Variants in SF3A2 observed in about 807,000 individuals in gnomAD.
SF3A2 encodes the protein splicing factor 3a subunit 2, also known as SAP 62.
Under a neutral mutation model 31.1 loss-of-function variants are expected in SF3A2, and 5 were observed. The observed-to-expected ratio is 0.16, with a 90% CI of 0.08 to 0.34. SF3A2 has a LOEUF of 0.34. Ranked by LOEUF, SF3A2 falls within the 10% of genes least tolerant of loss-of-function variation. SF3A2 has a pLI of 1.00. For synonymous variants in SF3A2, 365 were observed against 263.7 expected (o/e 1.38, Z -3.72); for missense variants, 577 against 643.9 (o/e 0.90, Z 1.13).
Position 2,247,909 on chromosome 19 carries a change from C to T in SF3A2, c.758C>T (p.Pro253Leu), listed in dbSNP as rs928053753. 19 of 1,576,146 alleles carry T rather than the reference C, an allele frequency of 1.2e-5. No individual in the cohort carries two copies. Among genetic ancestry groups the T allele is most frequent in the Admixed American group, 3.4e-5 (2 of 59,250 alleles). Residue 253 changes from proline (P) to leucine (L), a missense_variant, in exon 9 of 9, where the codon CCG (proline) becomes CTG (leucine). Coordinates refer to ENST00000221494, the MANE Select transcript of SF3A2 (RefSeq NM_007165.5). ...PRPPLPESLP[P>L]PPPGGLPLPP... ...CCACCGCTGCCTGAGTCTTTGCCAC[C>T]GCCCCCGCCAGGAGGCCTGCCTCTG...
Position 2,245,328 on chromosome 19 carries a change from C to T in SF3A2, c.246-118C>T, listed in dbSNP as rs1001614100. The stretch of plus-strand genomic sequence containing the variant: ...CCAGGGCCCCTCCCAGGCCCCTGGC[C>T]CTCCTCATCTCTCAGCTTGTAGTGA... On this transcript the variant is annotated intron_variant, in intron 4 of 8. Transcript: ENST00000221494. This position sits in a 1 kb window ranked among gnomAD's most constrained non-coding sequence, Gnocchi z 4.2. 5.6e-6 allele frequency: 4 copies of T among 713,336 alleles called. No homozygotes were observed. Among genetic ancestry groups the T allele is most frequent in the African/African-American group, 3.6e-5 (2 of 55,978 alleles). 44.2% of individuals were successfully genotyped at this position (713,336 alleles called of 1,614,324 possible).
At position 2,246,986 on chromosome 19, in the gene SF3A2, C is replaced by T. The variant is rs1196660174; in HGVS notation, c.510C>T (p.Leu170=). 2.5e-6 allele frequency: 4 copies of T among 1,606,832 alleles called. No individual in the cohort carries two copies. Among genetic ancestry groups the T allele is most frequent in the Non-Finnish European group, 1.7e-6 (2 of 1,178,918 alleles). ...CGGACCGGCGCTGGCAGTACCTGCTCATGGCCGCCGAGCCCTACGAGACCA... is the reference window on the plus strand; with the variant it reads ...CGGACCGGCGCTGGCAGTACCTGCTTATGGCCGCCGAGCCCTACGAGACCA... ...EPPDRRWQYL[L]MAAEPYETIA... is the part of the protein sequence containing the mutation. The change falls in exon 7 of 9, where the codon CTC becomes CTT. Residue 170 remains leucine, a synonymous_variant. Transcript: ENST00000221494. The surrounding 1 kb of genome is among the most constrained non-coding windows in gnomAD (Gnocchi z 5.5).
chr19:2,243,066 G>T (rs779733630), intron 1 of SF3A2, among the ~76,000 whole-genome samples: 3 of 152,084 alleles, frequency 2.0e-5, no homozygotes, highest in Non-Finnish European at 2.9e-5. Flanking sequence ...GCCTTCTCTG[G>T]GCTCCCTATT....
chr19:2,242,459 G>T lies in SF3A2; in HGVS notation c.-37-923G>T, dbSNP rs981889502. Among the ~76,000 whole-genome samples, 4 of 152,098 alleles carry T rather than the reference G, an allele frequency of 2.6e-5. No individual in the cohort carries two copies. The East Asian group carries it at 7.7e-4, about 29-fold the overall frequency. On this transcript the variant is annotated intron_variant, in intron 1 of 8. Transcript: ENST00000221494. ...CAGCCTCTCTGACTCTCAGCCTCCC[G>T]CCTCCTCTCATGAGGTCACCCAGGA...
chr19:2,236,979 G>A (rs1419546713), intron 1 of SF3A2, 78 bp downstream of exon 1: 1 of 152,182 alleles, frequency 6.6e-6, no homozygotes, highest in Non-Finnish European at 1.5e-5. Flanking sequence ...GTAGGAGAGA[G>A]GCGCTTGCGA....
intron 4 of SF3A2, 73 bp downstream of exon 4, chr19:2,244,852 G>A: frequency 7.0e-7 from 1 of 1,425,706 alleles, no homozygotes; most frequent in Non-Finnish European, 9.7e-7. Flanking sequence ...AGCCTCGCGG[G>A]CCACTGCTCC....
intron 7 of SF3A2, 147 bp downstream of exon 7, chr19:2,247,169 G>T: frequency 1.3e-6 from 1 of 791,886 alleles, no homozygotes; most frequent in Non-Finnish European, 2.0e-6. Flanking sequence ...CACAGGCCGG[G>T]CAGGGCACCT....
chr19:2,241,830 G>A (rs896739881), intron 1 of SF3A2, among the ~76,000 whole-genome samples: 23 of 152,142 alleles, frequency 1.5e-4, no homozygotes, highest in African/African-American at 4.6e-4. Context: ...GTGGTTTCTC[G>A]AAGTTTACGT....
At chr19:2,243,813 G>A in intron 2 of SF3A2, among the ~76,000 whole-genome samples, 1 of 152,220 alleles carries the variant, frequency 6.6e-6, no homozygotes, top group East Asian at 1.9e-4. Flanking sequence ...TGGGAGTGGG[G>A]AGAGCTGATG....
intron 4 of SF3A2, 42 bp downstream of exon 4, chr19:2,244,821 C>T: frequency 4.4e-6 from 7 of 1,590,568 alleles, no homozygotes; most frequent in Non-Finnish European, 6.0e-6. Flanking sequence ...GCTCCAGCAG[C>T]CGTTGGCTCA....
chr19:2,238,523 T>G (rs1036303809), intron 1 of SF3A2, among the ~76,000 whole-genome samples: 15 of 152,352 alleles, frequency 9.8e-5, no homozygotes, highest in Non-Finnish European at 1.0e-4. Flanking sequence ...AATGAGTTTA[T>G]GTCATGAGCA....
intron 3 of SF3A2, 39 bp from the exon 4 acceptor site, chr19:2,244,694 G>C (rs762072732): frequency 1.9e-6 from 3 of 1,613,178 alleles, no homozygotes; most frequent in Middle Eastern, 1.6e-4. Context: ...GTGTCTGTCC[G>C]CCCGGCCTCG....
chr19:2,238,331 A>G (rs1961001593), intron 1 of SF3A2, among the ~76,000 whole-genome samples: 1 of 152,076 alleles, frequency 6.6e-6, no homozygotes, highest in Admixed American at 6.5e-5. Context: ...TAATTTTTGT[A>G]TTTTTTGTAG....
intron 2 of SF3A2, 58 bp from the exon 3 acceptor site, chr19:2,244,486 C>T: frequency 1.4e-6 from 2 of 1,392,944 alleles, no homozygotes; most frequent in Non-Finnish European, 2.0e-6. Context: ...CCTCTGAGGG[C>T]CTTGACGGCA....
In SF3A2 at chr19:2,245,429, C is replaced by T. The variant is rs749194677; in HGVS notation, c.246-17C>T. On this transcript the variant is annotated splice_polypyrimidine_tract_variant and intron_variant, in intron 4 of 8. Coordinates refer to ENST00000221494, the MANE Select transcript of SF3A2 (RefSeq NM_007165.5). The surrounding 1 kb of genome is among the most constrained non-coding windows in gnomAD (Gnocchi z 4.2). ...GTGTGTGGAGGGGTCCCAGCAGCAC[C>T]TCCATCCTGTCCGCAGGGCCCGGCG... The T allele has an allele frequency of 1.1e-5, 17 of 1,543,342 alleles. No individual in the cohort carries two copies. Among genetic ancestry groups the T allele is most frequent in the Non-Finnish European group, 1.4e-5 (16 of 1,141,508 alleles).
At chr19:2,247,563 C>T in intron 7 of SF3A2, 31 bp from the exon 8 acceptor site, 2 of 1,610,878 alleles carry the variant, frequency 1.2e-6, no homozygotes, top group Non-Finnish European at 1.7e-6. Context: ...TCACAGGGAC[C>T]AGGAGCCCTC....
intron 1 of SF3A2, among the ~76,000 whole-genome samples, chr19:2,241,481 G>C (rs188657377): frequency 1.3e-5 from 2 of 152,304 alleles, no homozygotes; most frequent in African/African-American, 4.8e-5. Flanking sequence ...ATGTCCTCCA[G>C]AGAAAAATGA....
Position 2,248,588 on chromosome 19 carries a change from T to C in SF3A2, c.*42T>C. 1 of 546,034 alleles carries C rather than the reference T, an allele frequency of 1.8e-6. No homozygotes were observed. Among genetic ancestry groups the C allele is most frequent in the Non-Finnish European group, 2.9e-6 (1 of 342,380 alleles). The allele number at this position is 546,034 out of a possible 1,614,324, so 33.8% of individuals were successfully genotyped here. A position where few individuals can be genotyped will look rare whatever the true frequency, so the allele number is the denominator to read the frequency against. On this transcript the variant is annotated 3_prime_UTR_variant, in exon 9 of 9. Coordinates refer to ENST00000221494, the MANE Select transcript of SF3A2 (RefSeq NM_007165.5). ...CCAGCAAGCCCAGCGCCAGGTGCTC[T>C]TGCCTTTTCCCACTGAGAGAAGGCT...
In SF3A2 at chr19:2,247,847, G is replaced by A. The variant is rs1355890473; in HGVS notation, c.696G>A (p.Arg232=). Residue 232 remains arginine (R), a synonymous_variant, in exon 9 of 9, where the codon CGG becomes CGA. Transcript: ENST00000221494. The part of the protein sequence containing the change: ...SLPAGPPGVK[R]PPPPLMNGLP... ...CTGCTGGCCCCCCTGGGGTGAAGCG[G>A]CCTCCACCCCCGCTGATGAACGGTC... 1 of 1,522,562 alleles carries A rather than the reference G, an allele frequency of 6.6e-7. No individual in the cohort carries two copies. 94.3% of individuals were successfully genotyped at this position (1,522,562 alleles called of 1,614,324 possible).
Sources: gnomAD v4.1 joint callset for allele counts (sites outside exome capture counted in the v4.1 genomes callset) on GRCh38, gnomAD v4.1.1 for gene constraint, Gnocchi (gnomAD v3.1) non-coding constraint, MANE v1.5 for transcripts, NCBI Gene and HGNC (gene_info 2026-07-23, HGNC 2026-07-21) for gene names.